The following IL1RAPL2 variants were observed in gnomAD, a reference collection of about 807,000 sequenced individuals.
IL1RAPL2 encodes interleukin 1 receptor accessory protein like 2.
IL1RAPL2 carries 3 observed loss-of-function variants against 44.1 expected under a neutral mutation model. The ratio of observed to expected loss-of-function variants is 0.07; its 90% CI spans 0.03 to 0.18. The LOEUF (loss-of-function observed/expected upper bound fraction) is 0.18. Ranked by LOEUF, IL1RAPL2 falls within the 10% of genes least tolerant of loss-of-function variation. The pLI is 1.00. For missense variants in IL1RAPL2, 391 were observed against 496.4 expected (o/e 0.79, Z 2.02); for synonymous variants, 181 against 178.8 (o/e 1.01, Z -0.10).
intron 1 of IL1RAPL2, among the ~76,000 whole-genome samples, chrX:104,621,325 C>T (rs1043644218): frequency 9.2e-6 from 1 of 108,278 alleles, no homozygotes; most frequent in Non-Finnish European, 1.9e-5. Flanking sequence ...TATTACATCT[C>T]AGCAGTAGGC....
intron 1 of IL1RAPL2, among the ~76,000 whole-genome samples, chrX:104,600,509 A>G (rs1928859736): frequency 9.1e-6 from 1 of 110,451 alleles, no homozygotes; most frequent in East Asian, 2.8e-4. Flanking sequence ...CTATATTGCT[A>G]TTTTTAATTT....
chrX:105,537,868 A>G (rs1233208425), intron 6 of IL1RAPL2, among the ~76,000 whole-genome samples: 2 of 109,866 alleles, frequency 1.8e-5, no homozygotes, highest in Non-Finnish European at 3.8e-5. Flanking sequence ...ATCTGCATAC[A>G]TATTCTTCCC....
chrX:105,609,372 A>T (rs1037074333), intron 6 of IL1RAPL2, among the ~76,000 whole-genome samples: 4 of 110,973 alleles, frequency 3.6e-5, no homozygotes, highest in Non-Finnish European at 1.9e-5. Flanking sequence ...TACACTTAAA[A>T]TGGTTACAAT....
At chrX:105,337,183 C>T (rs2147697079) in intron 5 of IL1RAPL2, among the ~76,000 whole-genome samples, 1 of 112,156 alleles carries the variant, frequency 8.9e-6, no homozygotes, top group Non-Finnish European at 1.9e-5. Flanking sequence ...GATAGTTAGG[C>T]AGTATCTTGA....
intron 2 of IL1RAPL2, among the ~76,000 whole-genome samples, chrX:104,686,574 G>T (rs1050824538): frequency 1.8e-5 from 2 of 112,046 alleles, no homozygotes; most frequent in Non-Finnish European, 3.8e-5. Flanking sequence ...TAGAATCACT[G>T]AATAGATAGG....
At position 105,233,878 on chromosome X, in the gene IL1RAPL2, C is replaced by G. The variant is rs1762129830; in HGVS notation, c.417C>G (p.Gly139=). ...TGACTGTTGCAGAGAATGAATCAGG[C>G]CTGTGCTACAACAGCAGGATCCGCT... ...MSLTVAENES[G]LCYNSRIRYL... is the part of the protein sequence containing the mutation. Residue 139 remains glycine (G), a synonymous_variant, in exon 4 of 11, where the codon GGC becomes GGG. Coordinates refer to ENST00000372582, the MANE Select transcript of IL1RAPL2 (RefSeq NM_017416.2). The G allele has an allele frequency of 2.5e-6, 3 of 1,209,316 alleles. No homozygotes were observed. The highest frequency in any genetic ancestry group is 1.7e-5 in the African/African-American group (1 of 57,758).
intron 6 of IL1RAPL2, among the ~76,000 whole-genome samples, chrX:105,535,274 A>G (rs1052933943): frequency 4.5e-5 from 5 of 112,000 alleles, no homozygotes; most frequent in African/African-American, 1.6e-4. Flanking sequence ...ACCTAGTAGA[A>G]TGGCAAGACT....
At chrX:104,856,212 A>G (rs1276497640) in intron 2 of IL1RAPL2, among the ~76,000 whole-genome samples, 1 of 112,182 alleles carries the variant, frequency 8.9e-6, no homozygotes, top group Non-Finnish European at 1.9e-5. Flanking sequence ...GACTGAAGCA[A>G]ATAATTTGAG....
At chrX:105,329,665 A>G (rs1164958341) in intron 5 of IL1RAPL2, among the ~76,000 whole-genome samples, 3 of 111,502 alleles carry the variant, frequency 2.7e-5, no homozygotes, top group African/African-American at 9.8e-5. Context: ...AAGACATCTA[A>G]TGCAGAACTA....
intron 2 of IL1RAPL2, among the ~76,000 whole-genome samples, chrX:105,029,701 G>A (rs376313099): frequency 5.5e-5 from 6 of 109,957 alleles, no homozygotes; most frequent in Admixed American, 9.8e-5. Flanking sequence ...GAATAGTGCC[G>A]CAATAAACAT....
intron 5 of IL1RAPL2, among the ~76,000 whole-genome samples, chrX:105,465,122 A>G (rs2036119157): frequency 8.9e-6 from 1 of 112,323 alleles, no homozygotes; most frequent in South Asian, 3.6e-4. Context: ...CTGTCTAGCT[A>G]GAAACCCTTT....
chrX:104,768,753 A>G (rs149122780), intron 2 of IL1RAPL2, among the ~76,000 whole-genome samples: 1 of 111,486 alleles, frequency 9.0e-6, no homozygotes, highest in East Asian at 2.8e-4. Flanking sequence ...TTTCTAGCTA[A>G]ACTGGATTGT....
intron 6 of IL1RAPL2, among the ~76,000 whole-genome samples, chrX:105,485,299 T>C (rs771514124): frequency 9.0e-6 from 1 of 111,480 alleles, no homozygotes; most frequent in South Asian, 3.8e-4. Context: ...GAAAGGTTTT[T>C]CTTTTTGTTT....
intron 2 of IL1RAPL2, among the ~76,000 whole-genome samples, chrX:104,890,711 T>G (rs1437327465): frequency 8.9e-6 from 1 of 112,354 alleles, no homozygotes; most frequent in Non-Finnish European, 1.9e-5. Context: ...CTTTGTCAGA[T>G]GAGTAGATTG....
chrX:105,623,091 T>C (rs2037431412), intron 6 of IL1RAPL2, among the ~76,000 whole-genome samples: 1 of 111,552 alleles, frequency 9.0e-6, no homozygotes, highest in Admixed American at 9.6e-5. Context: ...TTTTTAATAT[T>C]ATTGGTCAAA....
chrX:105,067,311 G>A (rs1281805230), intron 2 of IL1RAPL2, among the ~76,000 whole-genome samples: 1 of 110,860 alleles, frequency 9.0e-6, no homozygotes, highest in Admixed American at 9.6e-5. Context: ...CACCTATGCT[G>A]GAGGCTTGGA....
rs191387210 is a variant in IL1RAPL2, at chrX:105,564,923, G to A, written c.772+80536G>A. ...AATATTAGACAACAAAACAAACAAA[G>A]CAGCAAAGACACTTACCTGTTCTGT... On this transcript the variant is annotated intron_variant, in intron 6 of 10. Coordinates refer to ENST00000372582, the MANE Select transcript of IL1RAPL2 (RefSeq NM_017416.2). Among the ~76,000 whole-genome samples the A allele has an allele frequency of 2.6e-3, 293 of 112,464 alleles. 2 individuals are homozygous for A. Among genetic ancestry groups the A allele is most frequent in the African/African-American group, 9.0e-3 (278 of 31,018 alleles).
At chrX:105,042,308 A>G (rs1367149643) in intron 2 of IL1RAPL2, among the ~76,000 whole-genome samples, 1 of 109,718 alleles carries the variant, frequency 9.1e-6, no homozygotes, top group African/African-American at 3.3e-5. Flanking sequence ...GAATGGGAGA[A>G]AATTTTTGCA....
intron 7 of IL1RAPL2, among the ~76,000 whole-genome samples, chrX:105,727,230 A>G (rs2038359818): frequency 9.0e-6 from 1 of 111,445 alleles, no homozygotes; most frequent in East Asian, 2.8e-4. Context: ...ATTTACCTCA[A>G]TTAAGAAACC....
Sources: allele counts gnomAD v4.1 joint callset (sites outside exome capture counted in the v4.1 genomes callset), GRCh38; gene constraint gnomAD v4.1.1; transcripts MANE v1.5; gene names NCBI Gene and HGNC (gene_info 2026-07-23, HGNC 2026-07-21).